CACNB2: variants seen among roughly 807,000 people sequenced by gnomAD.
The protein encoded by CACNB2 is calcium voltage-gated channel auxiliary subunit beta 2, also known as voltage-dependent L-type calcium channel subunit beta-2.
A neutral mutation model predicts 73.3 loss-of-function variants in CACNB2; 42 were observed. The ratio of observed to expected loss-of-function variants is 0.57; its 90% confidence interval spans 0.45 to 0.74. The LOEUF (loss-of-function observed/expected upper bound fraction) is 0.74. Ranked by LOEUF, CACNB2 falls within the 30% of genes least tolerant of loss-of-function variation. The pLI, the probability that CACNB2 is intolerant of heterozygous loss-of-function variation, is 0.00. For synonymous variants in CACNB2, 348 were observed against 310.3 expected (o/e 1.12, Z -1.28); for missense variants, 940 against 853.0 (o/e 1.10, Z -1.27).
intron 2 of CACNB2, among the ~76,000 whole-genome samples, chr10:18,192,268 G>GTTCATTCATTCATTCATTCA (rs75149644): frequency 4.2e-4 from 64 of 151,390 alleles, no homozygotes; most frequent in African/African-American, 1.0e-3. Context: ...TCAGACTTAC[G>GTTCATTCATTCATTCATTCA]TTCATTCATT....
intron 2 of CACNB2, among the ~76,000 whole-genome samples, chr10:18,276,171 G>C (rs1228395656): frequency 6.6e-6 from 1 of 152,206 alleles, no homozygotes; most frequent in Non-Finnish European, 1.5e-5. Flanking sequence ...TTGGGCAAAA[G>C]TGGTGAGCTC....
chr10:18,529,680 G>T (rs2052804478), intron 10 of CACNB2, among the ~76,000 whole-genome samples: 1 of 152,162 alleles, frequency 6.6e-6, no homozygotes, highest in Non-Finnish European at 1.5e-5. Context: ...TAAAAAGAAG[G>T]ACATGGGAGA....
chr10:18,540,180 T>TCTGG lies in CACNB2; in HGVS notation c.*460_*463dup, dbSNP rs201630368. ...TGGACCACTGTTTCTTGCTTGTACCTCTGGCTGACTAAATTTGGGGACAGA... is the reference window on the plus strand; with the variant it reads ...TGGACCACTGTTTCTTGCTTGTACCTCTGGCTGGCTGACTAAATTTGGGGACAGA... On this transcript the variant is annotated 3_prime_UTR_variant, in exon 14 of 14. Transcript: ENST00000324631. The TCTGG allele has an allele frequency of 3.0e-4, 55 of 183,968 alleles. No individual in the cohort carries two copies. Among genetic ancestry groups the TCTGG allele is most frequent in the Non-Finnish European group, 3.5e-4 (31 of 87,422 alleles). 11.4% of individuals were successfully genotyped at this position (183,968 alleles called of 1,614,324 possible). A position where few individuals can be genotyped will look rare whatever the true frequency, so the allele number is the denominator to read the frequency against.
intron 2 of CACNB2, among the ~76,000 whole-genome samples, chr10:18,250,420 G>T (rs1297551976): frequency 6.6e-6 from 1 of 152,146 alleles, no homozygotes; most frequent in Non-Finnish European, 1.5e-5. Context: ...CATTTGCCTG[G>T]ACTTTTCTTC....
intron 2 of CACNB2, among the ~76,000 whole-genome samples, chr10:18,177,726 A>C (rs1319357410): frequency 6.6e-6 from 1 of 152,220 alleles, no homozygotes; most frequent in Non-Finnish European, 1.5e-5. Context: ...TTACATGTGC[A>C]AAGAAGAGTA....
At chr10:18,182,702 A>G (rs1228715301) in intron 2 of CACNB2, among the ~76,000 whole-genome samples, 1 of 151,544 alleles carries the variant, frequency 6.6e-6, no homozygotes, top group Non-Finnish European at 1.5e-5. Flanking sequence ...TGCACCTGTA[A>G]TCCCTGCTAC....
intron 2 of CACNB2, among the ~76,000 whole-genome samples, chr10:18,236,354 A>C (rs1426268530): frequency 6.6e-6 from 1 of 152,262 alleles, no homozygotes; most frequent in African/African-American, 2.4e-5. Context: ...AAAGGGCGCA[A>C]GCCCACAGTA....
At chr10:18,309,611 C>G (rs945121206) in intron 2 of CACNB2, among the ~76,000 whole-genome samples, 1 of 152,140 alleles carries the variant, frequency 6.6e-6, no homozygotes, top group African/African-American at 2.4e-5. Flanking sequence ...TCCCGCGCCA[C>G]CATGCCCAGC....
rs1277724 is a variant in CACNB2, at chr10:18,266,473, C to G, written c.213+115498C>G. Reference sequence around the variant, plus strand: ...ACTGGGCTAGAGAAGTGCTGAAGTGCCTGTTCACAGAGATTTCTGGTTAGT... The same window carrying G: ...ACTGGGCTAGAGAAGTGCTGAAGTGGCTGTTCACAGAGATTTCTGGTTAGT... On this transcript the variant is annotated intron_variant, in intron 2 of 13. Transcript: ENST00000324631. Among the ~76,000 whole-genome samples the G allele has an allele frequency of 8.1e-3, 1,230 of 151,576 alleles. 49 individuals are homozygous for G. The highest frequency in any genetic ancestry group is 0.07 in the Admixed American group (1,064 of 15,250).
intron 3 of CACNB2, among the ~76,000 whole-genome samples, chr10:18,477,081 A>G (rs904082797): frequency 6.6e-6 from 1 of 151,966 alleles, no homozygotes; most frequent in South Asian, 2.1e-4. Context: ...GGGTATTGCA[A>G]AGGGCGTAGC....
chr10:18,299,130 A>G (rs1227267774), intron 2 of CACNB2, among the ~76,000 whole-genome samples: 1 of 151,754 alleles, frequency 6.6e-6, no homozygotes, highest in Non-Finnish European at 1.5e-5. Flanking sequence ...AAAAAAAGAA[A>G]AAAAAAGTTA....
At chr10:18,176,551 A>G (rs2033601659) in intron 2 of CACNB2, among the ~76,000 whole-genome samples, 2 of 151,870 alleles carry the variant, frequency 1.3e-5, no homozygotes, top group Non-Finnish European at 2.9e-5. Context: ...AAGCTACAGA[A>G]GAGGGAAAGT....
At chr10:18,195,187 A>G (rs117354817) in intron 2 of CACNB2, among the ~76,000 whole-genome samples, 215 of 152,310 alleles carry the variant, frequency 1.4e-3, no homozygotes, top group Admixed American at 4.6e-3. Context: ...GGCAGTCATT[A>G]AACAGTTGTT....
At chr10:18,486,820 A>G (rs1004028490) in intron 3 of CACNB2, among the ~76,000 whole-genome samples, 1 of 152,206 alleles carries the variant, frequency 6.6e-6, no homozygotes, top group Admixed American at 6.5e-5. Flanking sequence ...TCTGTAGGCC[A>G]GATAGTAATG....
intron 5 of CACNB2, among the ~76,000 whole-genome samples, chr10:18,504,726 C>G (rs180794000): frequency 6.6e-6 from 1 of 152,222 alleles, no homozygotes; most frequent in East Asian, 1.9e-4. Flanking sequence ...CTCACTGCAA[C>G]CTCCGCCTCC....
intron 3 of CACNB2, among the ~76,000 whole-genome samples, chr10:18,482,732 G>A (rs1009076265): frequency 2.0e-5 from 3 of 151,934 alleles, no homozygotes; most frequent in African/African-American, 4.8e-5. Context: ...GGCTGGTCTC[G>A]AACTCCTTAC....
At chr10:18,400,699 G>T (rs146063322) in intron 2 of CACNB2, 1 of 1,055,402 alleles carries the variant, frequency 9.5e-7, no homozygotes, top group East Asian at 7.1e-5. Flanking sequence ...CAATTTGAGC[G>T]CAGGGAAGAG....
chr10:18,353,296 G>A (rs191631614), intron 2 of CACNB2, among the ~76,000 whole-genome samples: 7 of 152,178 alleles, frequency 4.6e-5, no homozygotes, highest in Non-Finnish European at 7.4e-5. Context: ...TGTAATCCCA[G>A]CTACTCTGGA....
At chr10:18,191,899 T>TG (rs1467991989) in intron 2 of CACNB2, among the ~76,000 whole-genome samples, 2 of 152,206 alleles carry the variant, frequency 1.3e-5, no homozygotes, top group Non-Finnish European at 2.9e-5. Context: ...GCTATAAACA[T>TG]GCGTGTGCAA....
Sources: allele counts gnomAD v4.1 joint callset (sites outside exome capture counted in the v4.1 genomes callset), GRCh38; gene constraint gnomAD v4.1.1; transcripts MANE v1.5; gene names NCBI Gene and HGNC (gene_info 2026-07-23, HGNC 2026-07-21).